Variants in CNTN6 observed in about 807,000 individuals in gnomAD.
CNTN6 encodes contactin 6, also known as contactin-6.
Under a neutral mutation model 122.8 loss-of-function variants are expected in CNTN6, and 137 were observed. The ratio of observed to expected loss-of-function variants is 1.12; its 90% CI spans 0.97 to 1.29. The LOEUF is 1.29. Among genes scored for constraint, CNTN6 ranks in the 50% most tolerant of loss-of-function variants. The probability of loss-of-function intolerance (pLI) is 0.00; values close to 1 mark genes in which losing one functional copy is unlikely to be tolerated. For synonymous variants in CNTN6, 570 were observed against 426.0 expected (o/e 1.34, Z -4.16); for missense variants, 1,634 against 1,223.4 (o/e 1.34, Z -5.01).
chr3:1,325,968 A>G lies in CNTN6; in HGVS notation c.1083+17A>G. ...AACCCAGAGGTAAGCAACTATGTTG[A>G]TATTAAAAGTTTACCTACTCTACTA... On this transcript the variant is annotated intron_variant, in intron 9 of 22. Coordinates refer to ENST00000446702, the MANE Select transcript of CNTN6 (RefSeq NM_001289080.2). The G allele has an allele frequency of 6.3e-7, 1 of 1,598,726 alleles. No individual in the cohort carries two copies. Among genetic ancestry groups the G allele is most frequent in the African/African-American group, 1.4e-5 (1 of 73,860 alleles).
chr3:1,309,978 A>G (rs1698975603), intron 7 of CNTN6, among the ~76,000 whole-genome samples: 1 of 152,202 alleles, frequency 6.6e-6, no homozygotes, highest in South Asian at 2.1e-4. Flanking sequence ...TGATATATTA[A>G]CATTGTATCT....
At chr3:1,244,907 G>T (rs1407008923) in intron 4 of CNTN6, among the ~76,000 whole-genome samples, 1 of 148,138 alleles carries the variant, frequency 6.8e-6, no homozygotes, top group African/African-American at 2.5e-5. Context: ...CTTCTTAAGG[G>T]TGGGGGAGAT....
At chr3:1,384,062 A>AAACAAATT (rs1402728004) in intron 19 of CNTN6, among the ~76,000 whole-genome samples, 2 of 152,168 alleles carry the variant, frequency 1.3e-5, no homozygotes, top group Admixed American at 6.5e-5. Flanking sequence ...AATTCAAAGC[A>AAACAAATT]AACAAATTAA....
intron 8 of CNTN6, among the ~76,000 whole-genome samples, chr3:1,324,505 C>T (rs908447142): frequency 3.3e-5 from 5 of 149,602 alleles, no homozygotes; most frequent in African/African-American, 1.3e-4. Context: ...CGTGAGCCTA[C>T]TCAGCATTTA....
At chr3:1,315,210 A>G (rs1699926548) in intron 7 of CNTN6, among the ~76,000 whole-genome samples, 1 of 152,014 alleles carries the variant, frequency 6.6e-6, no homozygotes, top group African/African-American at 2.4e-5. Context: ...TGATTAATAT[A>G]TTAACTTTTC....
In CNTN6 at chr3:1,158,889, C is replaced by T. The variant is rs1229352996; in HGVS notation, c.55+10826C>T. Among the ~76,000 whole-genome samples the T allele has an allele frequency of 1.8e-4, 20 of 109,640 alleles. No homozygotes were observed. The East Asian group carries it at 2.8e-3, about 16-fold the overall frequency. The allele number at this position is 109,640 out of a possible 152,430, so 71.9% of individuals were successfully genotyped here. A position where few individuals can be genotyped will look rare whatever the true frequency, so the allele number is the denominator to read the frequency against. On this transcript the variant is annotated intron_variant, in intron 2 of 22. Transcript: ENST00000446702. Reference sequence around the variant, plus strand: ...ACACATATATATACACATATATACACACATATATATACACATATATATACA... The same window carrying T: ...ACACATATATATACACATATATACATACATATATATACACATATATATACA...
At chr3:1,275,538 C>G (rs767976301) in intron 4 of CNTN6, among the ~76,000 whole-genome samples, 20 of 152,158 alleles carry the variant, frequency 1.3e-4, no homozygotes, top group African/African-American at 4.1e-4. Context: ...CACCAATTTG[C>G]TCGTGCCAAA....
intron 4 of CNTN6, among the ~76,000 whole-genome samples, chr3:1,272,388 G>A (rs901368562): frequency 3.9e-5 from 6 of 152,152 alleles, no homozygotes; most frequent in Non-Finnish European, 7.3e-5. Flanking sequence ...TGATTGTGAG[G>A]ATTACAGGTG....
At chr3:1,297,621 G>A (rs750374941) in intron 6 of CNTN6, among the ~76,000 whole-genome samples, 14 of 144,906 alleles carry the variant, frequency 9.7e-5, no homozygotes, top group Admixed American at 3.4e-4. Flanking sequence ...AAAACATCCC[G>A]TTGTTGTTGT....
At chr3:1,101,440 C>G (rs562718058) in intron 1 of CNTN6, among the ~76,000 whole-genome samples, 23 of 152,292 alleles carry the variant, frequency 1.5e-4, no homozygotes, top group African/African-American at 4.8e-4. Context: ...AAAGAAATCC[C>G]TCTTCACGTT....
At chr3:1,132,334 G>A (rs2092357332) in intron 1 of CNTN6, among the ~76,000 whole-genome samples, 1 of 152,026 alleles carries the variant, frequency 6.6e-6, no homozygotes, top group Non-Finnish European at 1.5e-5. Context: ...TGGACTTTAC[G>A]TGCAGATTAC....
At chr3:1,300,702 T>G (rs1311143774) in intron 7 of CNTN6, among the ~76,000 whole-genome samples, 1 of 152,108 alleles carries the variant, frequency 6.6e-6, no homozygotes, top group Non-Finnish European at 1.5e-5. Context: ...TTTATATTAT[T>G]CAAACCTATA....
At chr3:1,387,991 G>T (rs906529932) in intron 20 of CNTN6, among the ~76,000 whole-genome samples, 4 of 151,928 alleles carry the variant, frequency 2.6e-5, no homozygotes, top group Non-Finnish European at 5.9e-5. Flanking sequence ...GGGGAGGGGC[G>T]CCCGCCATTG....
intron 4 of CNTN6, among the ~76,000 whole-genome samples, chr3:1,253,932 G>A (rs149626391): frequency 1.3e-5 from 2 of 152,170 alleles, no homozygotes; most frequent in African/African-American, 2.4e-5. Flanking sequence ...TAAAAATAAT[G>A]TATGTATGTA....
intron 4 of CNTN6, among the ~76,000 whole-genome samples, chr3:1,268,128 C>T (rs1385695319): frequency 6.6e-6 from 1 of 152,198 alleles, no homozygotes; most frequent in African/African-American, 2.4e-5. Flanking sequence ...AGAAAATGAA[C>T]ATTTGCCAAA....
intron 2 of CNTN6, among the ~76,000 whole-genome samples, chr3:1,177,147 A>C (rs764870562): frequency 6.6e-6 from 1 of 152,226 alleles, no homozygotes; most frequent in Non-Finnish European, 1.5e-5. Flanking sequence ...TCAACGTGAT[A>C]AAAGTAAAAA....
At chr3:1,392,151 AACTAT>A (rs1286541395) in intron 20 of CNTN6, among the ~76,000 whole-genome samples, 3 of 152,280 alleles carry the variant, frequency 2.0e-5, no homozygotes, top group Admixed American at 2.0e-4. Flanking sequence ...CCTGACTTCA[AACTAT>A]ACTACAAGGC....
chr3:1,401,332 G>A (rs1192797195), intron 20 of CNTN6, 101 bp from the exon 21 acceptor site: 4 of 889,786 alleles, frequency 4.5e-6, no homozygotes, highest in Admixed American at 4.7e-5. Flanking sequence ...CTCCTTCTAT[G>A]CAAATCATCG....
intron 4 of CNTN6, among the ~76,000 whole-genome samples, chr3:1,239,981 A>T (rs1322579674): frequency 6.6e-6 from 1 of 152,148 alleles, no homozygotes; most frequent in Non-Finnish European, 1.5e-5. Flanking sequence ...GTGTAGAAGA[A>T]TGAAACTGGA....
Sources: gnomAD v4.1 joint callset for allele counts (sites outside exome capture counted in the v4.1 genomes callset) on GRCh38, gnomAD v4.1.1 for gene constraint, MANE v1.5 for transcripts, NCBI Gene and HGNC (gene_info 2026-07-23, HGNC 2026-07-21) for gene names.